Variants in VRK3 observed in about 807,000 individuals in gnomAD.
The protein encoded by VRK3 is VRK serine/threonine kinase 3.
VRK3 carries 50 observed loss-of-function variants against 60.4 expected under a neutral mutation model. The observed-to-expected ratio is 0.83, with a 90% CI of 0.66 to 1.05. VRK3 has a LOEUF of 1.05. Ranked by LOEUF, VRK3 falls within the 50% of genes least tolerant of loss-of-function variation. The probability of loss-of-function intolerance (pLI) is 0.00; values close to 1 mark genes in which losing one functional copy is unlikely to be tolerated. For missense variants in VRK3, 549 were observed against 585.3 expected (o/e 0.94, Z 0.64); for synonymous variants, 246 against 227.8 (o/e 1.08, Z -0.72).
rs12608973 is a variant in VRK3, at chr19:50,024,853, T to C, written c.-65+414A>G. ...CAGCTGCTATGCGTCAACTACTGTATAGTGTTCCTCCTAGAAAGTTCAGGA... is the reference window on the plus strand; with the variant it reads ...CAGCTGCTATGCGTCAACTACTGTACAGTGTTCCTCCTAGAAAGTTCAGGA... On this transcript the variant is annotated intron_variant, in intron 1 of 14. Coordinates refer to ENST00000316763, the MANE Select transcript of VRK3 (RefSeq NM_016440.4). 6.6e-5 allele frequency: 10 copies of C among 152,346 alleles called. No homozygotes were observed. The East Asian group carries it at 7.7e-4, about 12-fold the overall frequency. 9.4% of individuals were successfully genotyped at this position (152,346 alleles called of 1,614,324 possible). A position where few individuals can be genotyped will look rare whatever the true frequency, so the allele number is the denominator to read the frequency against.
At chr19:49,982,182 A>G in intron 12 of VRK3, 1 of 702,974 alleles carries the variant, frequency 1.4e-6, no homozygotes, top group Non-Finnish European at 2.6e-6. Flanking sequence ...ATGAATCCCA[A>G]GGCAACCTGA....
intron 5 of VRK3, among the ~76,000 whole-genome samples, chr19:50,007,131 C>T (rs1163317051): frequency 1.3e-5 from 2 of 152,192 alleles, no homozygotes; most frequent in East Asian, 3.8e-4. Context: ...AAGCAATAAA[C>T]CTCTCACATC....
chr19:49,980,772 G>T (rs1476196020), intron 13 of VRK3, among the ~76,000 whole-genome samples, 183 bp downstream of exon 13: 22 of 151,816 alleles, frequency 1.4e-4, no homozygotes, highest in African/African-American at 5.3e-4. Flanking sequence ...TTTTTGTTTT[G>T]TTTTTCAGAG....
In VRK3 at chr19:49,976,603, A is replaced by T. The variant is rs576162861; in HGVS notation, c.*193T>A. On this transcript the variant is annotated 3_prime_UTR_variant, in exon 15 of 15. Coordinates refer to ENST00000316763, the MANE Select transcript of VRK3 (RefSeq NM_016440.4). ...AGGCCACCAAGATGGGGAACTTCAC[A>T]TTCACGGGAGGGAAACTGGGGCCCT... The T allele has an allele frequency of 2.0e-5, 3 of 152,822 alleles. No individual in the cohort carries two copies. Among genetic ancestry groups the T allele is most frequent in the African/African-American group, 7.2e-5 (3 of 41,606 alleles). The allele number at this position is 152,822 out of a possible 1,614,324, so 9.5% of individuals were successfully genotyped here.
chr19:49,994,030 C>T (rs915496724), intron 9 of VRK3, among the ~76,000 whole-genome samples: 1 of 152,160 alleles, frequency 6.6e-6, no homozygotes, highest in Non-Finnish European at 1.5e-5. Flanking sequence ...CTGTGCGAGG[C>T]CCCGTGTGAT....
At chr19:49,982,130 C>A in intron 12 of VRK3, 1 of 702,872 alleles carries the variant, frequency 1.4e-6, no homozygotes, top group Non-Finnish European at 2.6e-6. Context: ...TGACGGTGAC[C>A]GAGCCTTGTT....
At chr19:49,982,998 G>GAAA (rs2076449973) in intron 12 of VRK3, among the ~76,000 whole-genome samples, 1 of 151,636 alleles carries the variant, frequency 6.6e-6, no homozygotes, top group African/African-American at 2.4e-5. Flanking sequence ...GTCCTCCTCT[G>GAAA]CCCCATGGAT....
chr19:50,016,294 T>C, intron 2 of VRK3, 131 bp from the exon 3 acceptor site: 1 of 1,209,854 alleles, frequency 8.3e-7, no homozygotes, highest in Non-Finnish European at 1.2e-6. Flanking sequence ...GTTTGTGATG[T>C]TCACTTCTTA....
intron 1 of VRK3, among the ~76,000 whole-genome samples, chr19:50,020,868 G>A (rs911953678): frequency 2.0e-5 from 3 of 152,208 alleles, no homozygotes. Context: ...GGATGCGCAC[G>A]TTCTGGTGGG....
Position 49,988,209 on chromosome 19 carries a change from G to A in VRK3, c.1217+163C>T, listed in dbSNP as rs182424641. 9.8e-4 allele frequency: 1,095 copies of A among 1,112,346 alleles called. 4 individuals carry two copies. Among genetic ancestry groups the A allele is most frequent in the Middle Eastern group, 6.2e-3 (20 of 3,234 alleles). The allele number at this position is 1,112,346 out of a possible 1,614,324, so 68.9% of individuals were successfully genotyped here. A position where few individuals can be genotyped will look rare whatever the true frequency, so the allele number is the denominator to read the frequency against. On this transcript the variant is annotated intron_variant, in intron 12 of 14. Coordinates refer to ENST00000316763, the MANE Select transcript of VRK3 (RefSeq NM_016440.4). Reference sequence around the variant, plus strand: ...TGGCTCCGGAACACCTGCCTCGCCTGCTGTGTGGACACTGCAGCACATGCC... The same window carrying A: ...TGGCTCCGGAACACCTGCCTCGCCTACTGTGTGGACACTGCAGCACATGCC...
At chr19:49,993,725 G>A (rs113720204) in intron 9 of VRK3, among the ~76,000 whole-genome samples, 1 of 152,098 alleles carries the variant, frequency 6.6e-6, no homozygotes, top group South Asian at 2.1e-4. Context: ...TCTGCTGCCT[G>A]AGTGTCAGCT....
At chr19:49,993,692 G>A (rs924131641) in intron 9 of VRK3, among the ~76,000 whole-genome samples, 2 of 152,078 alleles carry the variant, frequency 1.3e-5, no homozygotes, top group Non-Finnish European at 2.9e-5. Flanking sequence ...GAGCTGCTGC[G>A]CCCGGCCAAT....
At chr19:49,981,328 C>T (rs866036182) in intron 12 of VRK3, 19 of 329,864 alleles carry the variant, frequency 5.8e-5, no homozygotes, top group East Asian at 1.3e-4. Flanking sequence ...GGGTGGATCA[C>T]GAGGTCAGGA....
chr19:49,977,137 T>C (rs545304040), intron 14 of VRK3, among the ~76,000 whole-genome samples: 28 of 152,068 alleles, frequency 1.8e-4, no homozygotes, highest in African/African-American at 6.7e-4. Flanking sequence ...TGAGGGGAGC[T>C]TTCCAGAACT....
At position 50,007,774 on chromosome 19, in the gene VRK3, C is replaced by A; in HGVS notation, c.342G>T (p.Lys114Asn). 1 of 1,614,092 alleles carries A rather than the reference C, an allele frequency of 6.2e-7. No individual in the cohort carries two copies. The highest frequency in any genetic ancestry group is 2.2e-5 in the East Asian group (1 of 44,876). Residue 114 changes from lysine to asparagine, a missense_variant, in exon 5 of 15, where the codon AAG (lysine) becomes AAT (asparagine). Transcript: ENST00000316763. The stretch of plus-strand genomic sequence containing the variant: ...GGCTACCCCTGGTCACCTGAGGGCT[C>A]TTCCTGGTCTTCTGAGGGCTGCTTT... Reference protein sequence around the residue: ...TPKSSPQKTRKSPQVTRGSPQ... With the variant: ...TPKSSPQKTRNSPQVTRGSPQ...
chr19:49,978,561 A>C (rs978398338), intron 14 of VRK3: 4 of 153,644 alleles, frequency 2.6e-5, no homozygotes, highest in African/African-American at 9.7e-5. Flanking sequence ...GAAACTAAGC[A>C]AACGCCCAGC....
intron 4 of VRK3, 88 bp downstream of exon 4, chr19:50,009,148 G>C: frequency 6.8e-7 from 1 of 1,460,840 alleles, no homozygotes; most frequent in Non-Finnish European, 9.4e-7. Flanking sequence ...TGTTTGAGCC[G>C]GGGCTGTGGC....
rs746854746 is a variant in VRK3, at chr19:49,988,486, G to C, written c.1103C>G (p.Ser368Cys). The C allele has an allele frequency of 1.2e-6, 2 of 1,612,878 alleles. No homozygotes were observed. The highest frequency in any genetic ancestry group is 2.2e-5 in the East Asian group (1 of 44,850). The change falls in exon 12 of 15, where the codon TCC becomes TGC. Residue 368 changes from serine (S) to cysteine (C), a missense_variant. By Grantham distance (112) the Ser-to-Cys change is moderately radical (BLOSUM62 -1). Coordinates refer to ENST00000316763, the MANE Select transcript of VRK3 (RefSeq NM_016440.4). ...SMDLHKGCGP[S>C]RRSDLQSLGY... ...CAGGCTCTGGAGGTCGCTGCGGCGG[G>C]AGGGCCCTGGGGAAGGAGGAGTAAA...
intron 1 of VRK3, among the ~76,000 whole-genome samples, chr19:50,022,383 C>G (rs10414564): frequency 0.052 from 7,985 of 152,286 alleles, 691 homozygotes; most frequent in African/African-American, 0.18. Context: ...CAGCAGCCTC[C>G]TAACTAGACT....
Sources: allele counts gnomAD v4.1 joint callset (sites outside exome capture counted in the v4.1 genomes callset), GRCh38; gene constraint gnomAD v4.1.1; transcripts MANE v1.5; gene names NCBI Gene and HGNC (gene_info 2026-07-23, HGNC 2026-07-21).